Variants in RBFOX1 observed in about 807,000 individuals in gnomAD.
RBFOX1 encodes RNA binding fox-1 homolog 1.
In RBFOX1, 8 loss-of-function variants were observed where a neutral mutation model predicts 57.7. That is an observed-to-expected ratio of 0.14 (90% CI 0.08 to 0.25). The LOEUF (loss-of-function observed/expected upper bound fraction) is 0.25. Among genes scored for constraint, RBFOX1 ranks in the 10% least tolerant of loss-of-function variants. RBFOX1 has a pLI of 1.00. For missense variants in RBFOX1, 611 were observed against 548.5 expected, an observed-to-expected ratio of 1.11 and a Z score of -1.14; for synonymous variants, 326 against 222.4, an observed-to-expected ratio of 1.47 and a Z score of -4.15.
intron 7 of RBFOX1, among the ~76,000 whole-genome samples, chr16:7,589,951 G>GTGTT: frequency 6.7e-6 from 1 of 149,316 alleles, no homozygotes; most frequent in African/African-American, 2.5e-5. Flanking sequence ...GTGTGTGTGT[G>GTGTT]TATGCGGACA....
At chr16:7,192,900 C>T (rs2085778840) in intron 4 of RBFOX1, among the ~76,000 whole-genome samples, 1 of 152,232 alleles carries the variant, frequency 6.6e-6, no homozygotes. Flanking sequence ...TCGCCAGTCT[C>T]ACACCCTCTT....
intron 2 of RBFOX1, among the ~76,000 whole-genome samples, chr16:6,535,850 C>T (rs1380299506): frequency 6.6e-6 from 1 of 152,178 alleles, no homozygotes; most frequent in Non-Finnish European, 1.5e-5. Context: ...CTCTTTTTCT[C>T]AATAGTGGCA....
At chr16:6,670,096 A>G (rs2098754820) in intron 3 of RBFOX1, among the ~76,000 whole-genome samples, 1 of 152,148 alleles carries the variant, frequency 6.6e-6, no homozygotes, top group Admixed American at 6.6e-5. Context: ...ATCATGGCTC[A>G]CTGCAACCTC....
intron 3 of RBFOX1, among the ~76,000 whole-genome samples, chr16:7,034,827 C>CTTTTTTTTT (rs113413414): frequency 1.8e-5 from 1 of 54,114 alleles, no homozygotes; most frequent in African/African-American, 8.9e-5. Context: ...TATTGCATTA[C>CTTTTTTTTT]TTTTTTTTTT....
intron 3 of RBFOX1, among the ~76,000 whole-genome samples, chr16:5,761,271 G>C (rs2053580063): frequency 6.6e-6 from 1 of 152,096 alleles, no homozygotes; most frequent in Admixed American, 6.5e-5. Context: ...CAGAAAGGTG[G>C]GATCACCTTC....
intron 3 of RBFOX1, among the ~76,000 whole-genome samples, chr16:6,801,659 C>G (rs77625436): frequency 0.011 from 1,730 of 151,944 alleles, 32 homozygotes; most frequent in African/African-American, 0.04. Flanking sequence ...GTTTCTGGAC[C>G]AAACTGAGGG....
chr16:5,650,398 G>A (rs1184280037), intron 3 of RBFOX1, among the ~76,000 whole-genome samples: 1 of 152,178 alleles, frequency 6.6e-6, no homozygotes, highest in Non-Finnish European at 1.5e-5. Context: ...CATCATCCTG[G>A]CATCCTGCAA....
intron 4 of RBFOX1, among the ~76,000 whole-genome samples, chr16:7,299,333 G>T (rs2095974694): frequency 6.6e-6 from 1 of 152,220 alleles, no homozygotes; most frequent in Non-Finnish European, 1.5e-5. Flanking sequence ...ATTTGTAGTG[G>T]GAGCGAGTTG....
intron 3 of RBFOX1, among the ~76,000 whole-genome samples, chr16:7,018,480 A>C (rs2094028947): frequency 6.6e-6 from 1 of 152,170 alleles, no homozygotes; most frequent in African/African-American, 2.4e-5. Flanking sequence ...TCTATCATTG[A>C]TGGACATTTG....
At chr16:6,504,746 C>T (rs42379) in intron 2 of RBFOX1, among the ~76,000 whole-genome samples, 124,596 of 152,102 alleles carry the variant, frequency 0.82, 51,531 homozygotes, top group Non-Finnish European at 0.88. Context: ...TGCATCAAAT[C>T]GGCACTTCTA....
At chr16:7,462,641 C>T (rs1327229760) in intron 4 of RBFOX1, among the ~76,000 whole-genome samples, 1 of 152,204 alleles carries the variant, frequency 6.6e-6, no homozygotes, top group African/African-American at 2.4e-5. Context: ...TTGTTTCTTA[C>T]TAGGGGTTGT....
intron 2 of RBFOX1, among the ~76,000 whole-genome samples, chr16:5,560,133 G>T (rs1485840075): frequency 6.6e-6 from 1 of 152,070 alleles, no homozygotes; most frequent in Non-Finnish European, 1.5e-5. Flanking sequence ...TCTTTCCTCT[G>T]AGTATTTGCA....
intron 1 of RBFOX1, among the ~76,000 whole-genome samples, chr16:5,342,395 G>T (rs1435699276): frequency 6.6e-6 from 1 of 152,162 alleles, no homozygotes; most frequent in East Asian, 1.9e-4. Context: ...GTCAGGCTTG[G>T]TGAATAATGC....
At chr16:6,870,764 CAAACT>C (rs1378473364) in intron 3 of RBFOX1, among the ~76,000 whole-genome samples, 1 of 152,166 alleles carries the variant, frequency 6.6e-6, no homozygotes, top group African/African-American at 2.4e-5. Context: ...AGCCCCTCAA[CAAACT>C]AAACAACTGT....
At chr16:6,619,260 C>T (rs1163922481) in intron 2 of RBFOX1, among the ~76,000 whole-genome samples, 2 of 152,038 alleles carry the variant, frequency 1.3e-5, no homozygotes, top group Non-Finnish European at 2.9e-5. Flanking sequence ...CCAAACAACT[C>T]TAATAATTTC....
chr16:5,990,837 G>T (rs910349278), intron 4 of RBFOX1, among the ~76,000 whole-genome samples: 1 of 152,090 alleles, frequency 6.6e-6, no homozygotes, highest in Non-Finnish European at 1.5e-5. Flanking sequence ...AGCTGGGTGT[G>T]GTGGTGCACG....
chr16:7,031,955 C>G (rs569556007), intron 3 of RBFOX1, among the ~76,000 whole-genome samples: 1 of 152,138 alleles, frequency 6.6e-6, no homozygotes, highest in Non-Finnish European at 1.5e-5. Flanking sequence ...TTGGGATGGA[C>G]TTCCTCGTTA....
intron 4 of RBFOX1, among the ~76,000 whole-genome samples, chr16:7,430,275 TGTG>T (rs1251943605): frequency 6.6e-6 from 1 of 152,202 alleles, no homozygotes; most frequent in East Asian, 1.9e-4. Context: ...ATTGTTTTGT[TGTG>T]GTGGTGGTTT....
chr16:6,218,161 C>T (rs577800448), intron 1 of RBFOX1, among the ~76,000 whole-genome samples: 1 of 152,194 alleles, frequency 6.6e-6, no homozygotes, highest in East Asian at 1.9e-4. Flanking sequence ...TTGTTGAGCC[C>T]ACGTGCATTT....
Sources: allele counts gnomAD v4.1 joint callset (sites outside exome capture counted in the v4.1 genomes callset), GRCh38; gene constraint gnomAD v4.1.1; transcripts MANE v1.5; gene names NCBI Gene and HGNC (gene_info 2026-07-23, HGNC 2026-07-21).